The following NTNG1 variants were observed in gnomAD, a reference collection of about 807,000 sequenced individuals.
The protein encoded by NTNG1 is netrin G1.
NTNG1 carries 16 observed loss-of-function variants against 54.0 expected under a neutral mutation model. The ratio of observed to expected loss-of-function variants is 0.30; its 90% CI spans 0.20 to 0.45. NTNG1 has a LOEUF of 0.45. Among genes scored for constraint, NTNG1 ranks in the 20% least tolerant of loss-of-function variants. NTNG1 has a pLI of 1.00. For synonymous variants in NTNG1, 255 were observed against 263.1 expected, an observed-to-expected ratio of 0.97 and a Z score of 0.30; for missense variants, 530 against 678.7, an observed-to-expected ratio of 0.78 and a Z score of 2.43.
intron 2 of NTNG1, among the ~76,000 whole-genome samples, chr1:107,264,294 A>T (rs1172036216): frequency 1.3e-5 from 2 of 152,026 alleles, no homozygotes; most frequent in African/African-American, 4.8e-5. Flanking sequence ...CTTATCGATC[A>T]TCTGACCTCC....
At chr1:107,214,732 A>C (rs889834276) in intron 2 of NTNG1, among the ~76,000 whole-genome samples, 2 of 151,184 alleles carry the variant, frequency 1.3e-5, no homozygotes, top group Non-Finnish European at 2.9e-5. Context: ...TGGTTGTACT[A>C]GTTTACATTC....
At chr1:107,365,851 T>A (rs1481989998) in intron 3 of NTNG1, among the ~76,000 whole-genome samples, 1 of 152,236 alleles carries the variant, frequency 6.6e-6, no homozygotes, top group African/African-American at 2.4e-5. Flanking sequence ...TTATTTTATG[T>A]TCATTCAAAG....
intron 1 of NTNG1, among the ~76,000 whole-genome samples, chr1:107,142,025 C>G (rs551542348): frequency 6.6e-6 from 1 of 152,080 alleles, no homozygotes; most frequent in African/African-American, 2.4e-5. Context: ...TGTTGTGCAG[C>G]TGGGGAGAAA....
chr1:107,404,659 CATGGAACT>C (rs200815774), intron 4 of NTNG1, among the ~76,000 whole-genome samples: 520 of 152,164 alleles, frequency 3.4e-3, no homozygotes, highest in African/African-American at 0.012. Context: ...GGGAACAAGA[CATGGAACT>C]TGTGCCCTCA....
intron 2 of NTNG1, among the ~76,000 whole-genome samples, chr1:107,310,524 G>A (rs890483324): frequency 1.3e-5 from 2 of 152,096 alleles, no homozygotes; most frequent in Non-Finnish European, 2.9e-5. Context: ...GATAAGTGAA[G>A]ATCATATTTA....
chr1:107,477,847 C>T (rs1026960881), intron 7 of NTNG1, among the ~76,000 whole-genome samples: 4 of 152,124 alleles, frequency 2.6e-5, no homozygotes, highest in Admixed American at 2.0e-4. Flanking sequence ...GGGTGCCTGG[C>T]ATACAACAGA....
chr1:107,449,424 A>G (rs1210608646), intron 7 of NTNG1, among the ~76,000 whole-genome samples: 1 of 152,112 alleles, frequency 6.6e-6, no homozygotes, highest in Non-Finnish European at 1.5e-5. Context: ...ATATTTAGCA[A>G]TTATACATTT....
intron 3 of NTNG1, among the ~76,000 whole-genome samples, chr1:107,337,294 T>C (rs1333433547): frequency 6.6e-6 from 1 of 151,930 alleles, no homozygotes; most frequent in Admixed American, 6.6e-5. Context: ...AGGAAAGAAA[T>C]TTTGACACAT....
chr1:107,165,269 G>A (rs1352923861), intron 2 of NTNG1, among the ~76,000 whole-genome samples: 2 of 152,302 alleles, frequency 1.3e-5, no homozygotes, highest in African/African-American at 4.8e-5. Flanking sequence ...AAGAATAAGA[G>A]AGCTGAACAT....
intron 2 of NTNG1, among the ~76,000 whole-genome samples, chr1:107,253,720 G>A (rs1157198438): frequency 2.6e-5 from 4 of 152,066 alleles, no homozygotes; most frequent in Non-Finnish European, 5.9e-5. Flanking sequence ...TAAACCATTT[G>A]TCCTTTTTGT....
At chr1:107,452,698 GT>G (rs748720753) in intron 7 of NTNG1, among the ~76,000 whole-genome samples, 1 of 152,176 alleles carries the variant, frequency 6.6e-6, no homozygotes, top group Non-Finnish European at 1.5e-5. Context: ...TTCTTTCCAA[GT>G]GTCTGCTTCC....
At position 107,421,583 on chromosome 1, in the gene NTNG1, C is replaced by T. The variant is rs79268677; in HGVS notation, c.1088-9167C>T. ...ATGAAACACCTTGGAATTTATGCTT[C>T]CAAAAAATTGTTTCGAATAACTTTG... On this transcript the variant is annotated intron_variant, in intron 5 of 7. Coordinates refer to ENST00000370068, the MANE Select transcript of NTNG1 (RefSeq NM_001113226.3). Among the ~76,000 whole-genome samples, 329 of 152,132 alleles carry T rather than the reference C, an allele frequency of 2.2e-3. 2 individuals carry two copies. Among genetic ancestry groups the T allele is most frequent in the African/African-American group, 7.8e-3 (324 of 41,524 alleles).
intron 7 of NTNG1, among the ~76,000 whole-genome samples, chr1:107,475,170 A>G (rs1255817646): frequency 2.0e-5 from 3 of 152,290 alleles, no homozygotes; most frequent in Non-Finnish European, 2.9e-5. Context: ...AAATCTACTG[A>G]CTATCTATAG....
chr1:107,177,860 A>C (rs886803193), intron 2 of NTNG1, among the ~76,000 whole-genome samples: 10 of 152,112 alleles, frequency 6.6e-5, no homozygotes, highest in African/African-American at 2.4e-4. Flanking sequence ...TTGTAAACAT[A>C]ATCTATTATT....
chr1:107,294,181 C>A (rs1665798044), intron 2 of NTNG1, among the ~76,000 whole-genome samples: 1 of 152,100 alleles, frequency 6.6e-6, no homozygotes, highest in Non-Finnish European at 1.5e-5. Flanking sequence ...AACAATGGAG[C>A]CTGAGAACAA....
intron 7 of NTNG1, among the ~76,000 whole-genome samples, chr1:107,469,841 TA>T (rs1392279533): frequency 6.6e-6 from 1 of 152,198 alleles, no homozygotes; most frequent in Non-Finnish European, 1.5e-5. Context: ...GTAAAAGATG[TA>T]GTGCAGGTAC....
At chr1:107,469,460 ATTTAT>A (rs1381050081) in intron 7 of NTNG1, among the ~76,000 whole-genome samples, 10 of 152,192 alleles carry the variant, frequency 6.6e-5, no homozygotes, top group South Asian at 2.1e-4. Context: ...ACAAAATTTT[ATTTAT>A]TTTATTTTAT....
intron 3 of NTNG1, among the ~76,000 whole-genome samples, chr1:107,364,198 A>G (rs1006567296): frequency 3.9e-5 from 6 of 152,196 alleles, no homozygotes; most frequent in Admixed American, 6.5e-5. Context: ...CGTATTTTAT[A>G]TAATTGTTTT....
intron 2 of NTNG1, among the ~76,000 whole-genome samples, chr1:107,199,971 A>C (rs1184564181): frequency 6.6e-6 from 1 of 151,882 alleles, no homozygotes; most frequent in African/African-American, 2.4e-5. Context: ...TTTATCTAGA[A>C]TCTTTCAGCA....
Sources: allele counts gnomAD v4.1 joint callset (sites outside exome capture counted in the v4.1 genomes callset), GRCh38; gene constraint gnomAD v4.1.1; transcripts MANE v1.5; gene names NCBI Gene and HGNC (gene_info 2026-07-23, HGNC 2026-07-21).